Variants in PGM1 observed in about 807,000 individuals in gnomAD.
PGM1 encodes phosphoglucomutase-1.
PGM1 carries 52 observed loss-of-function variants against 55.6 expected under a neutral mutation model. The observed-to-expected ratio is 0.94, with a 90% CI of 0.75 to 1.18. The LOEUF is 1.18. Among genes scored for constraint, PGM1 ranks in the 50% most tolerant of loss-of-function variants. PGM1 has a pLI of 0.00. For missense variants in PGM1, 724 were observed against 729.3 expected (o/e 0.99, Z 0.08); for synonymous variants, 287 against 271.7 (o/e 1.06, Z -0.55).
chr1:63,607,315 C>T (rs1332531128), intron 1 of PGM1, among the ~76,000 whole-genome samples: 1 of 152,174 alleles, frequency 6.6e-6, no homozygotes, highest in Admixed American at 6.5e-5. Context: ...GAATTAGTAT[C>T]CCATGCTTCT....
chr1:63,594,537 C>T (rs1003896078), intron 1 of PGM1, among the ~76,000 whole-genome samples: 1 of 152,016 alleles, frequency 6.6e-6, no homozygotes, highest in African/African-American at 2.4e-5. Flanking sequence ...CAGGAAATTA[C>T]CGCAACACCT....
chr1:63,650,907 C>T (rs934750413), intron 8 of PGM1, among the ~76,000 whole-genome samples: 1 of 151,352 alleles, frequency 6.6e-6, no homozygotes, highest in East Asian at 1.9e-4. Context: ...TAAAATAAAA[C>T]AAAATTTAAA....
intron 1 of PGM1, among the ~76,000 whole-genome samples, chr1:63,627,055 C>A (rs1261375911): frequency 5.2e-5 from 2 of 38,392 alleles, no homozygotes; most frequent in East Asian, 2.6e-3. Context: ...ATGGCAGGAC[C>A]CCCCCCCCCC....
At chr1:63,616,214 A>C (rs963974309) in intron 1 of PGM1, among the ~76,000 whole-genome samples, 2 of 152,240 alleles carry the variant, frequency 1.3e-5, no homozygotes, top group African/African-American at 4.8e-5. Flanking sequence ...AATAAAAGAC[A>C]TAGAAAAATG....
intron 1 of PGM1, among the ~76,000 whole-genome samples, chr1:63,595,133 T>C (rs1417288050): frequency 6.6e-6 from 1 of 152,150 alleles, no homozygotes; most frequent in Non-Finnish European, 1.5e-5. Flanking sequence ...ATGGATATTT[T>C]TATTCATTTT....
At chr1:63,641,131 T>G (rs1649504245) in intron 7 of PGM1, among the ~76,000 whole-genome samples, 1 of 152,210 alleles carries the variant, frequency 6.6e-6, no homozygotes, top group Non-Finnish European at 1.5e-5. Context: ...AACCAAAGTA[T>G]TAGACTTTAG....
At chr1:63,642,182 C>T (rs1248908226) in intron 7 of PGM1, among the ~76,000 whole-genome samples, 1 of 152,222 alleles carries the variant, frequency 6.6e-6, no homozygotes, top group Non-Finnish European at 1.5e-5. Flanking sequence ...GCAAAGGAGT[C>T]TAACTTCAGG....
At chr1:63,618,497 A>G (rs1227313400) in intron 1 of PGM1, among the ~76,000 whole-genome samples, 4 of 152,218 alleles carry the variant, frequency 2.6e-5, no homozygotes, top group Non-Finnish European at 5.9e-5. Flanking sequence ...CATTTCTTAA[A>G]TGTATTTCAA....
chr1:63,628,088 G>A (rs1484994069), intron 1 of PGM1, among the ~76,000 whole-genome samples: 3 of 152,172 alleles, frequency 2.0e-5, no homozygotes, highest in Non-Finnish European at 2.9e-5. Context: ...GCTTCTTCAT[G>A]TTTGCAGTGG....
intron 1 of PGM1, among the ~76,000 whole-genome samples, chr1:63,596,737 C>T (rs533726863): frequency 7.2e-5 from 11 of 152,264 alleles, no homozygotes; most frequent in Non-Finnish European, 1.2e-4. Flanking sequence ...GCTCCTTTCC[C>T]ATAGATAATT....
At chr1:63,657,527 A>G (rs1490140417) in intron 10 of PGM1, among the ~76,000 whole-genome samples, 1 of 152,220 alleles carries the variant, frequency 6.6e-6, no homozygotes, top group African/African-American at 2.4e-5. Context: ...ATTTTTAAGT[A>G]TATAGTTTAG....
intron 1 of PGM1, chr1:63,623,211 T>G (rs1483574438): frequency 4.5e-6 from 6 of 1,345,852 alleles, no homozygotes. Context: ...AGAAGTGTCC[T>G]CATCAAAACA....
rs4643 is a variant in PGM1 at position 63,659,768 on chromosome 1, A to C, written c.*93A>C. ...TGACAGAAACAAAATGTATTCACCAAGCATTTTAGGATTTGACTTTTTCAC... is the reference window on the plus strand; with the variant it reads ...TGACAGAAACAAAATGTATTCACCACGCATTTTAGGATTTGACTTTTTCAC... On this transcript the variant is annotated 3_prime_UTR_variant, in exon 11 of 11. Coordinates refer to ENST00000371084, the MANE Select transcript of PGM1 (RefSeq NM_002633.3). 181,584 of 949,000 alleles carry C rather than the reference A, an allele frequency of 0.19. 18,877 individuals carry two copies. The highest frequency in any genetic ancestry group is 0.32 in the Admixed American group (17,433 of 54,802). The allele number at this position is 949,000 out of a possible 1,614,324, so 58.8% of individuals were successfully genotyped here.
chr1:63,595,875 C>T (rs1421836111), intron 1 of PGM1, among the ~76,000 whole-genome samples: 1 of 152,142 alleles, frequency 6.6e-6, no homozygotes, highest in African/African-American at 2.4e-5. Flanking sequence ...AACTTCATCA[C>T]CCTTTAGCCA....
At chr1:63,641,384 G>A (rs1649512761) in intron 7 of PGM1, among the ~76,000 whole-genome samples, 1 of 152,192 alleles carries the variant, frequency 6.6e-6, no homozygotes, top group South Asian at 2.1e-4. Context: ...TTGTGAACGA[G>A]TGCAGCTGGG....
chr1:63,658,345 G>GTT (rs34300625), intron 10 of PGM1, among the ~76,000 whole-genome samples: 7,651 of 136,498 alleles, frequency 0.056, 719 homozygotes, highest in African/African-American at 0.19. Flanking sequence ...CAGATTAGTA[G>GTT]TTTTTTTTTT....
At chr1:63,610,514 G>C (rs984164323) in intron 1 of PGM1, among the ~76,000 whole-genome samples, 6 of 152,188 alleles carry the variant, frequency 3.9e-5, no homozygotes, top group African/African-American at 1.2e-4. Flanking sequence ...GGACATGGTA[G>C]TTATTAGCTG....
intron 1 of PGM1, among the ~76,000 whole-genome samples, chr1:63,594,666 G>C (rs1333633099): frequency 3.3e-5 from 5 of 151,810 alleles, no homozygotes; most frequent in African/African-American, 1.2e-4. Context: ...GTGGGGCCGG[G>C]CATGGTGGCT....
chr1:63,637,722 A>G (rs1188118710), intron 6 of PGM1, among the ~76,000 whole-genome samples: 1 of 152,210 alleles, frequency 6.6e-6, no homozygotes, highest in Admixed American at 6.5e-5. Flanking sequence ...TAGGCCTGTC[A>G]GGTCCTGGAA....
Sources: allele counts gnomAD v4.1 joint callset (sites outside exome capture counted in the v4.1 genomes callset), GRCh38; gene constraint gnomAD v4.1.1; transcripts MANE v1.5; gene names NCBI Gene and HGNC (gene_info 2026-07-23, HGNC 2026-07-21).